Variants in MSH3 observed in about 807,000 individuals in gnomAD.
MSH3 encodes the protein mutS homolog 3.
Under a neutral mutation model 123.3 loss-of-function variants are expected in MSH3, and 106 were observed. That is an observed-to-expected ratio of 0.86 (90% confidence interval 0.73 to 1.01). The LOEUF (loss-of-function observed/expected upper bound fraction) is 1.01. MSH3 is among the 50% of genes least tolerant of loss of function. The probability of loss-of-function intolerance (pLI) is 0.00; values close to 1 mark genes in which losing one functional copy is unlikely to be tolerated. For synonymous variants in MSH3, 515 were observed against 481.4 expected (o/e 1.07, Z -0.91); for missense variants, 1,459 against 1,347.6 (o/e 1.08, Z -1.29).
intron 9 of MSH3, among the ~76,000 whole-genome samples, chr5:80,727,084 T>G (rs999334135): frequency 3.9e-5 from 6 of 152,220 alleles, no homozygotes; most frequent in African/African-American, 1.4e-4. Context: ...CTGCAGTCTC[T>G]ACAAAAGACA....
chr5:80,706,449 AGAGT>A (rs1750725979), intron 8 of MSH3, among the ~76,000 whole-genome samples: 1 of 152,246 alleles, frequency 6.6e-6, no homozygotes, highest in South Asian at 2.1e-4. Context: ...AGTTCTTAGA[AGAGT>A]ATGGCCTTTC....
intron 8 of MSH3, among the ~76,000 whole-genome samples, chr5:80,699,624 T>G (rs905143476): frequency 1.3e-5 from 2 of 150,804 alleles, no homozygotes; most frequent in Admixed American, 1.3e-4. Flanking sequence ...ACATATATGG[T>G]AATCAATGTC....
At chr5:80,781,309 G>T (rs12513549) in intron 17 of MSH3, among the ~76,000 whole-genome samples, 19,494 of 151,906 alleles carry the variant, frequency 0.13, 1,292 homozygotes, top group East Asian at 0.28. Context: ...GGGATTTGGT[G>T]AGGTAATTTC....
chr5:80,832,245 T>G (rs1745432697), intron 20 of MSH3, among the ~76,000 whole-genome samples: 1 of 150,874 alleles, frequency 6.6e-6, no homozygotes. Flanking sequence ...AAGGGGAGAG[T>G]TTTCCAGGAT....
chr5:80,730,909 T>C (rs866872223), intron 10 of MSH3, among the ~76,000 whole-genome samples: 16 of 138,122 alleles, frequency 1.2e-4, no homozygotes, highest in African/African-American at 3.8e-4. Flanking sequence ...TTTTTTTTTC[T>C]TTTTTTTTTT....
intron 3 of MSH3, among the ~76,000 whole-genome samples, chr5:80,668,893 G>C (rs1580549272): frequency 1.3e-5 from 2 of 152,342 alleles, no homozygotes; most frequent in Admixed American, 6.5e-5. Flanking sequence ...CAACTCAGAA[G>C]GGGGCGAGGC....
chr5:80,728,814 G>C (rs776951903), intron 9 of MSH3, 37 bp from the exon 10 acceptor site: 1 of 1,130,674 alleles, frequency 8.8e-7, no homozygotes, highest in Non-Finnish European at 1.3e-6. Flanking sequence ...TAATTTAAAA[G>C]AATTTTTATA....
intron 13 of MSH3, among the ~76,000 whole-genome samples, chr5:80,766,921 A>C (rs1744133467): frequency 6.6e-6 from 1 of 152,090 alleles, no homozygotes; most frequent in Non-Finnish European, 1.5e-5. Context: ...ATTTATATAG[A>C]ATAATGTATA....
chr5:80,775,890 C>T (rs1405949724), intron 16 of MSH3, 132 bp downstream of exon 16: 6 of 525,132 alleles, frequency 1.1e-5, no homozygotes, highest in Admixed American at 3.0e-5. Flanking sequence ...TCTGATGGAA[C>T]TTTTTTTTTT....
At chr5:80,836,385 A>G (rs949282247) in intron 20 of MSH3, among the ~76,000 whole-genome samples, 4 of 152,136 alleles carry the variant, frequency 2.6e-5, no homozygotes, top group South Asian at 2.1e-4. Context: ...GGTCAGTTCT[A>G]TGGGAGGGGA....
chr5:80,670,743 C>T (rs751962652), intron 4 of MSH3, among the ~76,000 whole-genome samples: 1 of 152,144 alleles, frequency 6.6e-6, no homozygotes, highest in Non-Finnish European at 1.5e-5. Flanking sequence ...TGGAAGAACA[C>T]GTGAACTTTA....
intron 7 of MSH3, 42 bp downstream of exon 7, chr5:80,675,170 G>A: frequency 5.0e-6 from 8 of 1,596,728 alleles, no homozygotes; most frequent in Non-Finnish European, 6.9e-6. Flanking sequence ...AGATGTTCAT[G>A]GTATCTCTAA....
At chr5:80,668,362 C>A (rs912225822) in intron 3 of MSH3, among the ~76,000 whole-genome samples, 3 of 152,124 alleles carry the variant, frequency 2.0e-5, no homozygotes, top group African/African-American at 4.8e-5. Flanking sequence ...CGGACCTGAC[C>A]CTTTCTGCTC....
chr5:80,672,697 C>T, intron 5 of MSH3, 44 bp from the exon 6 acceptor site: 1 of 1,473,408 alleles, frequency 6.8e-7, no homozygotes, highest in Non-Finnish European at 9.5e-7. Context: ...TTTTACAAGT[C>T]ATTTTTTATC....
At chr5:80,772,142 G>C (rs1262158104) in intron 15 of MSH3, among the ~76,000 whole-genome samples, 1 of 152,040 alleles carries the variant, frequency 6.6e-6, no homozygotes, top group Non-Finnish European at 1.5e-5. Context: ...TGTTTACATT[G>C]GGGGCAGTAC....
At chr5:80,662,826 C>T (rs78616098) in intron 2 of MSH3, among the ~76,000 whole-genome samples, 1 of 113,134 alleles carries the variant, frequency 8.8e-6, no homozygotes, top group Non-Finnish European at 2.0e-5. Context: ...GACTCTGTCT[C>T]AAAAAAAAAA....
At chr5:80,809,764 G>A (rs1264607139) in intron 19 of MSH3, among the ~76,000 whole-genome samples, 1 of 151,990 alleles carries the variant, frequency 6.6e-6, no homozygotes, top group African/African-American at 2.4e-5. Context: ...TGCTTTATTT[G>A]TATGTAATGT....
chr5:80,833,677 A>G (rs245384), intron 20 of MSH3, among the ~76,000 whole-genome samples: 131,823 of 152,254 alleles, frequency 0.87, 57,158 homozygotes, highest in East Asian at 1. Context: ...ACTTGACCTC[A>G]TGATCCGCCC....
intron 10 of MSH3, among the ~76,000 whole-genome samples, chr5:80,730,910 T>TC (rs1743399942): frequency 7.0e-6 from 1 of 143,190 alleles, no homozygotes; most frequent in East Asian, 2.0e-4. Flanking sequence ...TTTTTTTTCT[T>TC]TTTTTTTTTT....
Sources: allele counts gnomAD v4.1 joint callset (sites outside exome capture counted in the v4.1 genomes callset), GRCh38; gene constraint gnomAD v4.1.1; transcripts MANE v1.5; gene names NCBI Gene and HGNC (gene_info 2026-07-23, HGNC 2026-07-21).